The following KANSL1L variants were observed in gnomAD, a reference collection of about 807,000 sequenced individuals.
KANSL1L encodes the protein KAT8 regulatory NSL complex subunit 1 like.
A neutral mutation model predicts 108.6 loss-of-function variants in KANSL1L; 25 were observed. The observed-to-expected ratio is 0.23, with a 90% CI of 0.17 to 0.32. KANSL1L has a LOEUF of 0.32. Ranked by LOEUF, KANSL1L falls within the 10% of genes least tolerant of loss-of-function variation. KANSL1L has a pLI of 1.00. For missense variants in KANSL1L, 1,137 were observed against 1,125.7 expected, an observed-to-expected ratio of 1.01 and a Z score of -0.14; for synonymous variants, 405 against 395.1, an observed-to-expected ratio of 1.03 and a Z score of -0.30.
At chr2:210,105,509 T>C (rs2094838855) in intron 3 of KANSL1L, among the ~76,000 whole-genome samples, 1 of 151,432 alleles carries the variant, frequency 6.6e-6, no homozygotes, top group African/African-American at 2.4e-5. Context: ...GTGTGCATTA[T>C]TTCAAAAATG....
At chr2:210,110,067 C>T (rs2094889419) in intron 3 of KANSL1L, among the ~76,000 whole-genome samples, 3 of 152,146 alleles carry the variant, frequency 2.0e-5, no homozygotes, top group African/African-American at 7.2e-5. Flanking sequence ...TCAGGCAGTT[C>T]CATGTACTGA....
At chr2:210,039,503 G>T (rs1374781249) in intron 8 of KANSL1L, among the ~76,000 whole-genome samples, 3 of 151,568 alleles carry the variant, frequency 2.0e-5, no homozygotes, top group African/African-American at 7.3e-5. Flanking sequence ...GTTCTAACAG[G>T]TATTCATTTG....
intron 2 of KANSL1L, among the ~76,000 whole-genome samples, chr2:210,130,397 A>T (rs2095109448): frequency 6.6e-6 from 1 of 152,234 alleles, no homozygotes; most frequent in Non-Finnish European, 1.5e-5. Flanking sequence ...ATCTTTAAAC[A>T]GAGAAAATAT....
intron 2 of KANSL1L, chr2:210,151,900 T>G (rs1209823182): frequency 6.6e-6 from 1 of 152,250 alleles, no homozygotes; most frequent in Non-Finnish European, 1.5e-5. Context: ...TATACTGATC[T>G]TCTATTTCAT....
At chr2:210,103,955 TCA>T (rs2094821175) in intron 4 of KANSL1L, 147 bp downstream of exon 4, 1 of 579,890 alleles carries the variant, frequency 1.7e-6, no homozygotes, top group East Asian at 2.9e-5. Flanking sequence ...TGGTCATATG[TCA>T]AATATTTTAA....
intron 6 of KANSL1L, among the ~76,000 whole-genome samples, chr2:210,056,909 G>A (rs753666019): frequency 3.9e-5 from 6 of 152,172 alleles, no homozygotes; most frequent in South Asian, 2.1e-4. Context: ...GTGTCCCAAA[G>A]CAGACGCCAA....
intron 3 of KANSL1L, among the ~76,000 whole-genome samples, chr2:210,127,269 C>T (rs1388944642): frequency 6.6e-6 from 1 of 152,120 alleles, no homozygotes; most frequent in Non-Finnish European, 1.5e-5. Context: ...GGACCCTTAC[C>T]TAACACCACA....
chr2:210,166,638 A>G (rs1203805524), intron 1 of KANSL1L, among the ~76,000 whole-genome samples: 2 of 152,138 alleles, frequency 1.3e-5, no homozygotes, highest in Admixed American at 1.3e-4. Context: ...GCCCCTGAAC[A>G]TTAAATTTAT....
intron 12 of KANSL1L, among the ~76,000 whole-genome samples, chr2:210,026,651 C>T (rs1487159893): frequency 6.6e-6 from 1 of 152,146 alleles, no homozygotes; most frequent in African/African-American, 2.4e-5. Flanking sequence ...GGCATTTAAA[C>T]TTAAATAATG....
At chr2:210,134,494 A>C (rs935052574) in intron 2 of KANSL1L, among the ~76,000 whole-genome samples, 1 of 152,110 alleles carries the variant, frequency 6.6e-6, no homozygotes, top group African/African-American at 2.4e-5. Flanking sequence ...TATGTTGTTA[A>C]TGTGTGGATT....
chr2:210,143,769 A>G (rs1173693377), intron 2 of KANSL1L, among the ~76,000 whole-genome samples: 3 of 152,142 alleles, frequency 2.0e-5, no homozygotes, highest in East Asian at 1.9e-4. Context: ...TATGCTTTTG[A>G]TATCACAATT....
rs146261432 is a variant in KANSL1L at position 210,153,619 on chromosome 2, G to T, written c.964C>A (p.Gln322Lys). The T allele has an allele frequency of 1.2e-4, 198 of 1,613,496 alleles. No individual in the cohort carries two copies. Among genetic ancestry groups the T allele is most frequent in the Non-Finnish European group, 1.6e-4 (184 of 1,179,864 alleles). The change falls in exon 2 of 15, where the codon CAA becomes AAA. Residue 322 changes from glutamine (Q) to lysine (K), a missense_variant. Coordinates refer to ENST00000281772, the MANE Select transcript of KANSL1L (RefSeq NM_152519.4). ...GFARCTAAEI[Q>K]RFAFSATGLL... The stretch of plus-strand genomic sequence containing the variant: ...CCTGTAGCAGAAAATGCAAATCTTT[G>T]GATTTCCGCAGCTGTACACCGTGCA...
At chr2:210,172,246 A>G (rs1480683051), upstream of KANSL1L, among the ~76,000 whole-genome samples, 1 of 152,212 alleles carries the variant, frequency 6.6e-6, no homozygotes, top group African/African-American at 2.4e-5. Flanking sequence ...ACTGAACTCT[A>G]AATGTAGCTT....
chr2:210,121,403 C>G (rs2095019241), intron 3 of KANSL1L, among the ~76,000 whole-genome samples: 1 of 152,070 alleles, frequency 6.6e-6, no homozygotes, highest in African/African-American at 2.4e-5. Context: ...GAACAGAAAA[C>G]CAAATATCGC....
intron 5 of KANSL1L, among the ~76,000 whole-genome samples, chr2:210,088,039 A>G (rs2094654608): frequency 6.6e-6 from 1 of 152,136 alleles, no homozygotes; most frequent in Admixed American, 6.5e-5. Flanking sequence ...TTTGTTCATT[A>G]TCATATACCT....
intron 2 of KANSL1L, among the ~76,000 whole-genome samples, chr2:210,151,083 C>T (rs1040471376): frequency 1.3e-5 from 2 of 151,962 alleles, no homozygotes; most frequent in Admixed American, 6.5e-5. Flanking sequence ...GGGGGTGATA[C>T]GGGCTCACTG....
At chr2:210,088,665 G>GCC (rs2094662641) in intron 5 of KANSL1L, 1 of 152,618 alleles carries the variant, frequency 6.6e-6, no homozygotes, top group African/African-American at 2.4e-5. Flanking sequence ...CTCACTGGCC[G>GCC]CCACAGAGGC....
intron 1 of KANSL1L, among the ~76,000 whole-genome samples, chr2:210,158,769 A>T (rs556825409): frequency 6.6e-6 from 1 of 152,164 alleles, no homozygotes; most frequent in East Asian, 1.9e-4. Flanking sequence ...TAATGAAAAT[A>T]GCTATGTCTC....
chr2:210,160,304 C>T (rs2095355057), intron 1 of KANSL1L, among the ~76,000 whole-genome samples: 1 of 151,986 alleles, frequency 6.6e-6, no homozygotes, highest in African/African-American at 2.4e-5. Context: ...TCTCACCACT[C>T]ATACTCAATG....
Sources: gnomAD v4.1 joint callset for allele counts (sites outside exome capture counted in the v4.1 genomes callset) on GRCh38, gnomAD v4.1.1 for gene constraint, MANE v1.5 for transcripts, NCBI Gene and HGNC (gene_info 2026-07-23, HGNC 2026-07-21) for gene names.